The following NAV1 variants were observed in gnomAD, a reference collection of about 807,000 sequenced individuals.
NAV1 encodes the protein neuron navigator 1, also known as pore membrane and/or filament interacting like protein 3.
NAV1 carries 18 observed loss-of-function variants against 175.2 expected under a neutral mutation model. That is an observed-to-expected ratio of 0.10 (90% CI 0.07 to 0.15). The LOEUF is 0.15. NAV1 is among the 10% of genes least tolerant of loss of function. NAV1 has a pLI of 1.00. For synonymous variants in NAV1, 897 were observed against 978.7 expected, an observed-to-expected ratio of 0.92 and a Z score of 1.56; for missense variants, 1,731 against 2,436.6, an observed-to-expected ratio of 0.71 and a Z score of 6.10.
Position 201,689,388 on chromosome 1 carries a change from C to G in NAV1, c.758-23429C>G, listed in dbSNP as rs146276848. ...GAAGGTGGGACAGGATATATTCTCTCTTAAATCATGTCACCACTCAACCAA... is the reference window on the plus strand; with the variant it reads ...GAAGGTGGGACAGGATATATTCTCTGTTAAATCATGTCACCACTCAACCAA... On this transcript the variant is annotated intron_variant, in intron 1 of 29. Coordinates refer to ENST00000367296, the Ensembl canonical transcript of NAV1. Among the ~76,000 whole-genome samples, 78 of 152,300 alleles carry G rather than the reference C, an allele frequency of 5.1e-4. No homozygotes were observed. The East Asian group carries it at 0.013, about 26-fold the overall frequency.
intron 1 of NAV1, among the ~76,000 whole-genome samples, chr1:201,665,583 GCAC>G (rs1553251078): frequency 1.7e-4 from 23 of 139,276 alleles, no homozygotes; most frequent in African/African-American, 2.4e-4. Context: ...GAGGGCAAGA[GCAC>G]CCCACCCCCC....
intron 2 of NAV1, among the ~76,000 whole-genome samples, chr1:201,641,317 T>G (rs1345863962): frequency 6.6e-6 from 1 of 152,196 alleles, no homozygotes; most frequent in Non-Finnish European, 1.5e-5. Context: ...ATCTCTCACT[T>G]GGGTGACTGC....
rs1026207828 is a variant in NAV1, at chr1:201,739,953, G to C, written c.1226+21198G>C. ...GCTCATACCTTTTCGGGTGTCCCCG[G>C]GTGTCAGGCGAGAGCGGTCCTGGGG... On this transcript the variant is annotated intron_variant, in intron 3 of 29. Transcript: ENST00000367296. 25 of 1,383,008 alleles carry C rather than the reference G, an allele frequency of 1.8e-5. No individual in the cohort carries two copies. In the Middle Eastern group the frequency reaches 5.7e-4, roughly 32 times the overall value. The allele number at this position is 1,383,008 out of a possible 1,614,324, so 85.7% of individuals were successfully genotyped here. A position where few individuals can be genotyped will look rare whatever the true frequency, so the allele number is the denominator to read the frequency against.
intron 3 of NAV1, among the ~76,000 whole-genome samples, chr1:201,764,519 C>A (rs759098476): frequency 4.9e-4 from 75 of 152,316 alleles, no homozygotes; most frequent in Admixed American, 2.1e-3. Flanking sequence ...CTTATAAGAT[C>A]ATTTAATCTT....
chr1:201,755,068 A>T (rs1377956358), intron 3 of NAV1, among the ~76,000 whole-genome samples: 1 of 152,356 alleles, frequency 6.6e-6, no homozygotes, highest in South Asian at 2.1e-4. Flanking sequence ...TTCAGAGTAA[A>T]GACAACATGT....
At chr1:201,652,160 TC>T (rs1669228433) in intron 1 of NAV1, among the ~76,000 whole-genome samples, 2 of 143,438 alleles carry the variant, frequency 1.4e-5, no homozygotes, top group Non-Finnish European at 3.0e-5. Flanking sequence ...TGGGCATTTG[TC>T]CCCACCTCAG....
chr1:201,774,149 G>A (rs182686005), intron 3 of NAV1, among the ~76,000 whole-genome samples: 1 of 152,242 alleles, frequency 6.6e-6, no homozygotes, highest in East Asian at 1.9e-4. Flanking sequence ...CTGTACTTGA[G>A]ATCTATGTGA....
At chr1:201,650,167 C>A (rs114494240) in intron 1 of NAV1, among the ~76,000 whole-genome samples, 1,636 of 152,264 alleles carry the variant, frequency 0.011, 34 homozygotes, top group African/African-American at 0.037. Context: ...TAATGGAAGC[C>A]GAGCAGGCGG....
At chr1:201,816,358 C>T (rs908547683) in intron 28 of NAV1, among the ~76,000 whole-genome samples, 12 of 151,968 alleles carry the variant, frequency 7.9e-5, no homozygotes, top group African/African-American at 2.7e-4. Context: ...GCAACAAGAG[C>T]GAAACTCCCT....
chr1:201,600,529 AG>A (rs1490880775), intron 2 of NAV1, among the ~76,000 whole-genome samples: 12 of 152,354 alleles, frequency 7.9e-5, no homozygotes, highest in Admixed American at 7.2e-4. Context: ...TCTTAGTTTT[AG>A]CAAATGTACC....
At chr1:201,824,736 G>C in exon 30 of NAV1, 1 of 152,096 alleles carries the variant, frequency 6.6e-6, no homozygotes. Context: ...AAGTAAGTGA[G>C]TGATCCCCTG....
At chr1:201,758,067 G>A (rs1674625913) in intron 3 of NAV1, among the ~76,000 whole-genome samples, 1 of 152,204 alleles carries the variant, frequency 6.6e-6, no homozygotes, top group African/African-American at 2.4e-5. Context: ...TCCTCACCAT[G>A]AGGGATTGAT....
chr1:201,782,857 C>T lies in NAV1; in HGVS notation c.2345C>T (p.Pro782Leu). 1.9e-6 allele frequency: 3 copies of T among 1,580,454 alleles called. 1 individual carries two copies. Among genetic ancestry groups the T allele is most frequent in the South Asian group, 2.3e-5 (2 of 85,828 alleles). Residue 782 changes from proline to leucine, a missense_variant, in exon 6 of 30, where the codon CCA becomes CTA. Pro to Leu is a moderately conservative substitution (Grantham distance 98). Around this residue, in one of 13 missense-constraint regions of NAV1, gnomAD observed 634 missense variants for 766.8 expected, o/e 0.83. Coordinates refer to ENST00000367296, the Ensembl canonical transcript of NAV1. This position sits in a 1 kb window ranked among gnomAD's most constrained non-coding sequence, Gnocchi z 5.4. ...GCCACCAAGCTGGCAGAGCTGCCAC[C>T]AACCCCTCTCAGGTACCCAATGTGG...
At chr1:201,701,029 A>AAG (rs1377870115) in intron 1 of NAV1, among the ~76,000 whole-genome samples, 10 of 148,530 alleles carry the variant, frequency 6.7e-5, no homozygotes, top group Non-Finnish European at 1.5e-4. Context: ...AAAAAAAAAA[A>AAG]AAAGAAAGAA....
intron 1 of NAV1, among the ~76,000 whole-genome samples, chr1:201,711,455 G>A (rs1456258523): frequency 6.6e-6 from 1 of 152,216 alleles, no homozygotes; most frequent in African/African-American, 2.4e-5. Flanking sequence ...AGTCTTGGGG[G>A]AATAAAAACC....
chr1:201,757,418 G>A (rs937498732), intron 3 of NAV1, among the ~76,000 whole-genome samples: 5 of 152,148 alleles, frequency 3.3e-5, no homozygotes, highest in Middle Eastern at 3.4e-3. Context: ...ATAGGTGCTT[G>A]CCACCACGCC....
chr1:201,544,545 G>C (rs1397285200), intron 1 of NAV1, among the ~76,000 whole-genome samples: 1 of 152,066 alleles, frequency 6.6e-6, no homozygotes, highest in Non-Finnish European at 1.5e-5. Flanking sequence ...TCTGTTGCTG[G>C]GGCATTCCTG....
In NAV1 at chr1:201,788,754, C is replaced by G. The variant is rs973818001; in HGVS notation, c.3166+116C>G. 2.0e-5 allele frequency: 25 copies of G among 1,251,150 alleles called. No homozygotes were observed. In the African/African-American group the frequency reaches 3.5e-4, roughly 17 times the overall value. 77.5% of individuals were successfully genotyped at this position (1,251,150 alleles called of 1,614,324 possible). A position where few individuals can be genotyped will look rare whatever the true frequency, so the allele number is the denominator to read the frequency against. On this transcript the variant is annotated intron_variant, in intron 10 of 29. Coordinates refer to ENST00000367296, the Ensembl canonical transcript of NAV1. The surrounding 1 kb of genome is among the most constrained non-coding windows in gnomAD (Gnocchi z 5.7). The stretch of plus-strand genomic sequence containing the variant: ...CACACATATATGATTCACAGAACAT[C>G]AAGTTGGGCCATTTCAGTTTTTTCT...
chr1:201,569,375 T>G (rs866105918), intron 1 of NAV1, among the ~76,000 whole-genome samples: 4 of 152,210 alleles, frequency 2.6e-5, no homozygotes, highest in Non-Finnish European at 5.9e-5. Flanking sequence ...TATGAATGAT[T>G]TTAATGTCCG....
Sources: allele counts gnomAD v4.1 joint callset (sites outside exome capture counted in the v4.1 genomes callset), GRCh38; gene constraint gnomAD v4.1.1; regional missense constraint gnomAD v4.1.1; non-coding constraint Gnocchi (gnomAD v3.1); transcripts MANE v1.5; gene names NCBI Gene and HGNC (gene_info 2026-07-23, HGNC 2026-07-21).